Variants in PCDH9 observed in about 807,000 individuals in gnomAD.
PCDH9 encodes the protein protocadherin 9.
In PCDH9, 24 loss-of-function variants were observed where a neutral mutation model predicts 70.6. The observed-to-expected ratio is 0.34, with a 90% CI of 0.25 to 0.48. PCDH9 has a LOEUF of 0.48. Among genes scored for constraint, PCDH9 ranks in the 20% least tolerant of loss-of-function variants. PCDH9 has a pLI of 0.99. For missense variants in PCDH9, 1,281 were observed against 1,503.6 expected, an observed-to-expected ratio of 0.85 and a Z score of 2.45; for synonymous variants, 562 against 558.5, an observed-to-expected ratio of 1.01 and a Z score of -0.09.
At chr13:66,439,484 G>A (rs867967517) in intron 4 of PCDH9, among the ~76,000 whole-genome samples, 1 of 152,076 alleles carries the variant, frequency 6.6e-6, no homozygotes, top group South Asian at 2.1e-4. Context: ...TGATGGATAT[G>A]TTAATTGGCT....
chr13:66,419,902 T>C (rs935533327), intron 4 of PCDH9, among the ~76,000 whole-genome samples: 1 of 151,778 alleles, frequency 6.6e-6, no homozygotes, highest in Non-Finnish European at 1.5e-5. Flanking sequence ...CTATGGAACC[T>C]AGCAAGCTAA....
intron 3 of PCDH9, among the ~76,000 whole-genome samples, chr13:66,736,025 C>T (rs1010674485): frequency 8.6e-5 from 13 of 151,810 alleles, no homozygotes; most frequent in Non-Finnish European, 1.8e-4. Flanking sequence ...AGTTCATATG[C>T]TGGAACACTG....
At chr13:66,656,728 A>G (rs2077935799) in intron 3 of PCDH9, among the ~76,000 whole-genome samples, 1 of 152,148 alleles carries the variant, frequency 6.6e-6, no homozygotes. Context: ...CTTCATATTC[A>G]CTAGAGAATA....
At chr13:66,659,988 G>A (rs1011593852) in intron 3 of PCDH9, among the ~76,000 whole-genome samples, 1 of 152,184 alleles carries the variant, frequency 6.6e-6, no homozygotes, top group African/African-American at 2.4e-5. Flanking sequence ...CCACCTCAAA[G>A]TGGTAAAGAT....
intron 2 of PCDH9, chr13:67,202,256 A>G (rs890089100): frequency 6.6e-6 from 1 of 152,100 alleles, no homozygotes; most frequent in Non-Finnish European, 1.5e-5. Flanking sequence ...ATAATGAGCA[A>G]TAGGGTTATC....
At chr13:66,618,033 A>G (rs896708658) in intron 4 of PCDH9, among the ~76,000 whole-genome samples, 3 of 152,176 alleles carry the variant, frequency 2.0e-5, no homozygotes, top group Non-Finnish European at 4.4e-5. Flanking sequence ...TGTTTGTAGC[A>G]GAGAGGAGCC....
At chr13:66,330,307 A>T (rs1158334777) in intron 4 of PCDH9, among the ~76,000 whole-genome samples, 1 of 152,226 alleles carries the variant, frequency 6.6e-6, no homozygotes, top group African/African-American at 2.4e-5. Context: ...CAGAATTGAA[A>T]GTAGAAGTGG....
At chr13:66,867,552 C>A (rs952736109) in intron 3 of PCDH9, among the ~76,000 whole-genome samples, 5 of 151,790 alleles carry the variant, frequency 3.3e-5, no homozygotes, top group Admixed American at 2.6e-4. Context: ...ATGAAAAAAA[C>A]CTTAAAAACA....
chr13:67,227,146 G>A lies in PCDH9; in HGVS notation c.1295C>T (p.Thr432Ile). The change falls in exon 2 of 5, where the codon ACC (threonine) becomes ATC (isoleucine). Residue 432 changes from threonine (T) to isoleucine (I), a missense_variant. Coordinates refer to ENST00000377865, the MANE Select transcript of PCDH9 (RefSeq NM_203487.3). The surrounding 1 kb of genome is among the most constrained non-coding windows in gnomAD (Gnocchi z 4.6). ...ETSSLLDYEG[T>I]KEFSFKIVAS... The stretch of plus-strand genomic sequence containing the variant: ...AACAATTTTAAAGCTGAATTCTTTG[G>A]TGCCCTCATAGTCCAACAAAGAAGA... 6.2e-7 allele frequency: 1 copy of A among 1,613,628 alleles called. No individual in the cohort carries two copies. The highest frequency in any genetic ancestry group is 8.5e-7 in the Non-Finnish European group (1 of 1,179,630).
At chr13:66,501,736 A>G (rs922696988) in intron 4 of PCDH9, among the ~76,000 whole-genome samples, 1 of 152,086 alleles carries the variant, frequency 6.6e-6, no homozygotes, top group Non-Finnish European at 1.5e-5. Flanking sequence ...CTCAATGACT[A>G]AAAAAATCAA....
chr13:67,206,952 TA>T (rs1455831833), intron 2 of PCDH9: 4 of 152,178 alleles, frequency 2.6e-5, no homozygotes, highest in African/African-American at 9.7e-5. Flanking sequence ...TTATTTAAAT[TA>T]ACAACTAAAA....
intron 4 of PCDH9, among the ~76,000 whole-genome samples, chr13:66,616,636 C>T (rs2077360194): frequency 6.6e-6 from 1 of 151,950 alleles, no homozygotes; most frequent in Admixed American, 6.6e-5. Flanking sequence ...TGAGCAAATC[C>T]TGCCAAGTGA....
At chr13:67,192,937 G>A (rs2088957596) in intron 2 of PCDH9, among the ~76,000 whole-genome samples, 1 of 152,072 alleles carries the variant, frequency 6.6e-6, no homozygotes, top group African/African-American at 2.4e-5. Context: ...TGTTTAACAG[G>A]AACTGTCCCT....
intron 3 of PCDH9, among the ~76,000 whole-genome samples, chr13:66,721,512 T>C (rs1355125499): frequency 6.6e-6 from 1 of 152,220 alleles, no homozygotes; most frequent in African/African-American, 2.4e-5. Flanking sequence ...TTTCTGAGTA[T>C]ATTTATGTCT....
chr13:66,939,099 G>C lies in PCDH9; in HGVS notation c.3037-35494C>G, dbSNP rs564826448. Among the ~76,000 whole-genome samples, 8 of 151,426 alleles carry C rather than the reference G, an allele frequency of 5.3e-5. No individual in the cohort carries two copies. In the East Asian group the frequency reaches 1.6e-3, roughly 29 times the overall value. On this transcript the variant is annotated intron_variant, in intron 2 of 4. Transcript: ENST00000377865. Reference sequence around the variant, plus strand: ...TGGGCCCAATGTTTTTTTTTCTTCAGGTTGTCCTGTATTTTAATGTTGAAT... The same window carrying C: ...TGGGCCCAATGTTTTTTTTTCTTCACGTTGTCCTGTATTTTAATGTTGAAT...
At chr13:67,176,507 T>C (rs1254484887) in intron 2 of PCDH9, among the ~76,000 whole-genome samples, 1 of 148,706 alleles carries the variant, frequency 6.7e-6, no homozygotes, top group Non-Finnish European at 1.5e-5. Flanking sequence ...TGAATGGTTT[T>C]CAAAAATAAA....
chr13:67,125,296 G>A (rs1438363156), intron 2 of PCDH9, among the ~76,000 whole-genome samples: 10 of 152,060 alleles, frequency 6.6e-5, no homozygotes, highest in Non-Finnish European at 1.5e-4. Context: ...CAGCCTGATC[G>A]CAAATCATGT....
At chr13:66,916,676 G>A (rs1269669716) in intron 2 of PCDH9, among the ~76,000 whole-genome samples, 3 of 151,446 alleles carry the variant, frequency 2.0e-5, no homozygotes, top group Non-Finnish European at 3.0e-5. Context: ...GGCTGATTGC[G>A]ATCAAGATTT....
chr13:66,643,966 C>A (rs1471095940), intron 3 of PCDH9, among the ~76,000 whole-genome samples: 1 of 151,680 alleles, frequency 6.6e-6, no homozygotes, highest in Admixed American at 6.6e-5. Flanking sequence ...CACAATTTGC[C>A]CTATGCATTA....
Sources: allele counts gnomAD v4.1 joint callset (sites outside exome capture counted in the v4.1 genomes callset), GRCh38; gene constraint gnomAD v4.1.1; non-coding constraint Gnocchi (gnomAD v3.1); transcripts MANE v1.5; gene names NCBI Gene and HGNC (gene_info 2026-07-23, HGNC 2026-07-21).